The following ATP9B variants were observed in gnomAD, a reference collection of about 807,000 sequenced individuals.
The protein encoded by ATP9B is probable phospholipid-transporting ATPase IIB.
In ATP9B, 110 loss-of-function variants were observed where a neutral mutation model predicts 146.1. The observed-to-expected ratio is 0.75, with a 90% CI of 0.65 to 0.88. ATP9B has a LOEUF of 0.88. Ranked by LOEUF, ATP9B falls within the 40% of genes least tolerant of loss-of-function variation. The pLI is 0.00. For missense variants in ATP9B, 1,499 were observed against 1,496.4 expected, an observed-to-expected ratio of 1.00 and a Z score of -0.03; for synonymous variants, 604 against 569.7, an observed-to-expected ratio of 1.06 and a Z score of -0.86.
At chr18:79,140,340 G>A (rs1301912746) in intron 5 of ATP9B, among the ~76,000 whole-genome samples, 1 of 151,990 alleles carries the variant, frequency 6.6e-6, no homozygotes, top group Admixed American at 6.6e-5. Flanking sequence ...TTTTTGGGGG[G>A]GAATTTCTTT....
intron 2 of ATP9B, among the ~76,000 whole-genome samples, chr18:79,097,221 A>G (rs1462379405): frequency 6.6e-6 from 1 of 151,892 alleles, no homozygotes; most frequent in Non-Finnish European, 1.5e-5. Flanking sequence ...TAGAATTAAT[A>G]ATGGTTGCTC....
chr18:79,184,513 T>A (rs2095285967), intron 8 of ATP9B, among the ~76,000 whole-genome samples: 1 of 152,184 alleles, frequency 6.6e-6, no homozygotes, highest in African/African-American at 2.4e-5. Flanking sequence ...TTTTTTTTTA[T>A]GTTGTGAAAT....
chr18:79,369,553 AATC>A (rs1432843410), intron 26 of ATP9B, among the ~76,000 whole-genome samples: 1 of 150,716 alleles, frequency 6.6e-6, no homozygotes, highest in African/African-American at 2.4e-5. Flanking sequence ...AAAAAAAAAA[AATC>A]AGAGAACGTA....
At position 79,347,698 on chromosome 18, in the gene ATP9B, TA is replaced by T. The variant is rs2096897885; in HGVS notation, c.2683-68del. On this transcript the variant is annotated intron_variant, in intron 23 of 29. Coordinates refer to ENST00000426216, the MANE Select transcript of ATP9B (RefSeq NM_198531.5). ...TCTTTGTAACATTTAGGCTGAGTTC[TA>T]AAACTCACTTTTGGAGTCTGATTTC... 3.4e-6 allele frequency: 5 copies of T among 1,461,002 alleles called. No homozygotes were observed. In the South Asian group the frequency reaches 4.5e-5, roughly 13 times the overall value. The allele number at this position is 1,461,002 out of a possible 1,614,324, so 90.5% of individuals were successfully genotyped here.
At chr18:79,154,483 C>A in intron 6 of ATP9B, 21 bp from the exon 7 acceptor site, 1 of 1,518,944 alleles carries the variant, frequency 6.6e-7, no homozygotes, top group East Asian at 2.5e-5. Context: ...GATAATTAAT[C>A]TTTTATAATG....
intron 28 of ATP9B, among the ~76,000 whole-genome samples, chr18:79,374,704 A>G (rs932494883): frequency 1.3e-5 from 2 of 152,270 alleles, no homozygotes; most frequent in African/African-American, 4.8e-5. Context: ...ACGTAGGAAA[A>G]TGTGAAATGT....
chr18:79,152,075 G>A (rs2094699016), intron 6 of ATP9B, among the ~76,000 whole-genome samples: 2 of 152,202 alleles, frequency 1.3e-5, no homozygotes, highest in South Asian at 4.1e-4. Context: ...ATGAAAAAAA[G>A]CTCATCATCA....
chr18:79,113,760 T>C (rs779224260), intron 4 of ATP9B, among the ~76,000 whole-genome samples: 15 of 152,198 alleles, frequency 9.9e-5, no homozygotes, highest in Non-Finnish European at 1.3e-4. Context: ...CCAAGTGCAG[T>C]ACGTATGATT....
chr18:79,112,798 T>G (rs1398209185), intron 3 of ATP9B, among the ~76,000 whole-genome samples: 3 of 152,138 alleles, frequency 2.0e-5, no homozygotes, highest in Non-Finnish European at 2.9e-5. Context: ...AATATAAGGT[T>G]AATATGACTT....
intron 1 of ATP9B, among the ~76,000 whole-genome samples, chr18:79,073,966 G>A (rs904674548): frequency 2.0e-5 from 3 of 152,132 alleles, no homozygotes; most frequent in Admixed American, 6.5e-5. Flanking sequence ...GATGGTTTTC[G>A]ATTGTCTCTT....
chr18:79,367,748 A>G (rs1312876917), intron 26 of ATP9B, among the ~76,000 whole-genome samples: 1 of 152,236 alleles, frequency 6.6e-6, no homozygotes, highest in African/African-American at 2.4e-5. Flanking sequence ...CCTGCTGTGG[A>G]GCCCTGCAGG....
At chr18:79,345,924 A>C in intron 23 of ATP9B, 85 bp downstream of exon 23, 7 of 1,464,100 alleles carry the variant, frequency 4.8e-6, no homozygotes, top group Non-Finnish European at 6.7e-6. Context: ...CTGTACACTC[A>C]GCACCTACTT....
chr18:79,081,384 C>G (rs943745859), intron 1 of ATP9B, among the ~76,000 whole-genome samples: 2 of 151,840 alleles, frequency 1.3e-5, no homozygotes, highest in Non-Finnish European at 2.9e-5. Context: ...TCTAGGTTTT[C>G]TAGTTTATTT....
intron 11 of ATP9B, among the ~76,000 whole-genome samples, chr18:79,249,029 T>TG (rs2095997119): frequency 6.6e-6 from 1 of 152,016 alleles, no homozygotes; most frequent in African/African-American, 2.4e-5. Context: ...TTTGAAGTGT[T>TG]GCTGTGTCAT....
chr18:79,249,860 G>T (rs921213721), intron 11 of ATP9B, among the ~76,000 whole-genome samples: 7 of 152,090 alleles, frequency 4.6e-5, no homozygotes, highest in Non-Finnish European at 8.8e-5. Context: ...TAAAATAAAA[G>T]CAACCTACAA....
chr18:79,087,901 AAT>A (rs1310453211), intron 1 of ATP9B, among the ~76,000 whole-genome samples: 2 of 152,202 alleles, frequency 1.3e-5, no homozygotes, highest in African/African-American at 4.8e-5. Flanking sequence ...TCATTTTAAA[AAT>A]ATGTTTCCAG....
intron 15 of ATP9B, among the ~76,000 whole-genome samples, chr18:79,321,766 G>C (rs2096717587): frequency 6.6e-6 from 1 of 152,176 alleles, no homozygotes; most frequent in Non-Finnish European, 1.5e-5. Flanking sequence ...GCTGCTCTTT[G>C]CTCAAATGGA....
intron 11 of ATP9B, among the ~76,000 whole-genome samples, chr18:79,229,394 G>A (rs1270722965): frequency 6.6e-6 from 1 of 152,126 alleles, no homozygotes; most frequent in Non-Finnish European, 1.5e-5. Flanking sequence ...TCAATAATTT[G>A]TTTTGTTATT....
intron 13 of ATP9B, among the ~76,000 whole-genome samples, chr18:79,286,422 C>G (rs1304751204): frequency 5.3e-5 from 8 of 150,932 alleles, no homozygotes; most frequent in Non-Finnish European, 1.2e-4. Context: ...CTCTGTTTGT[C>G]TGTTATTGGT....
Sources: allele counts gnomAD v4.1 joint callset (sites outside exome capture counted in the v4.1 genomes callset), GRCh38; gene constraint gnomAD v4.1.1; transcripts MANE v1.5; gene names NCBI Gene and HGNC (gene_info 2026-07-23, HGNC 2026-07-21).